The following PTPN12 variants were observed in gnomAD, a reference collection of about 807,000 sequenced individuals.
PTPN12 encodes protein tyrosine phosphatase non-receptor type 12.
PTPN12 carries 29 observed loss-of-function variants against 97.6 expected under a neutral mutation model. The ratio of observed to expected loss-of-function variants is 0.30; its 90% CI spans 0.22 to 0.41. The LOEUF (loss-of-function observed/expected upper bound fraction) is 0.41. PTPN12 is among the 10% of genes least tolerant of loss of function. PTPN12 has a pLI of 1.00. For synonymous variants in PTPN12, 327 were observed against 300.4 expected, an observed-to-expected ratio of 1.09 and a Z score of -0.91; for missense variants, 819 against 926.0, an observed-to-expected ratio of 0.88 and a Z score of 1.50.
intron 5 of PTPN12, among the ~76,000 whole-genome samples, chr7:77,589,689 A>C (rs1204298436): frequency 6.6e-6 from 1 of 152,186 alleles, no homozygotes; most frequent in Non-Finnish European, 1.5e-5. Context: ...AGTGAATAAA[A>C]TGAGAAAATA....
Position 77,625,468 on chromosome 7 carries a change from GCTCGCT to G in PTPN12, c.1026-1233_1026-1228del, listed in dbSNP as rs1454502547. On this transcript the variant is annotated intron_variant, in intron 12 of 17. Transcript: ENST00000248594. ...AGGGTTTTGCCATATTGCCCAGGCTGCTCGCTCTCTCTCTCTCTCTCTCTCTCTCTC... is the reference window on the plus strand; with the variant it reads ...AGGGTTTTGCCATATTGCCCAGGCTGCTCTCTCTCTCTCTCTCTCTCTCTC... Among the ~76,000 whole-genome samples, 52 of 24,758 alleles carry G rather than the reference GCTCGCT, an allele frequency of 2.1e-3. 5 individuals carry two copies. The highest frequency in any genetic ancestry group is 0.029 in the Middle Eastern group (1 of 34). 16.2% of individuals were successfully genotyped at this position (24,758 alleles called of 152,430 possible). A position where few individuals can be genotyped will look rare whatever the true frequency, so the allele number is the denominator to read the frequency against.
At position 77,537,462 on chromosome 7, in the gene PTPN12, C is replaced by G; in HGVS notation, c.-85C>G. On this transcript the variant is annotated 5_prime_UTR_variant, in exon 1 of 18. Transcript: ENST00000248594. ...GGGAGGGAGGGACGTGCTGGGGGAACGAGCTGGGGAAGACGGAGCGGGCTC... is the reference window on the plus strand; with the variant it reads ...GGGAGGGAGGGACGTGCTGGGGGAAGGAGCTGGGGAAGACGGAGCGGGCTC... 2 of 1,321,300 alleles carry G rather than the reference C, an allele frequency of 1.5e-6. No homozygotes were observed. The highest frequency in any genetic ancestry group is 2.0e-5 in the African/African-American group (1 of 49,222). The allele number at this position is 1,321,300 out of a possible 1,614,324, so 81.8% of individuals were successfully genotyped here.
rs779472460 is a variant in PTPN12 at position 77,611,022 on chromosome 7, A to T, written c.915A>T (p.Gly305=). 1 of 1,613,054 alleles carries T rather than the reference A, an allele frequency of 6.2e-7. No homozygotes were observed. Among genetic ancestry groups the T allele is most frequent in the Non-Finnish European group, 8.5e-7 (1 of 1,179,400 alleles). The change falls in exon 11 of 18, where the codon GGA becomes GGT. Residue 305 remains glycine (G), a synonymous_variant. Transcript: ENST00000248594. ...EKQLQLYEIH[G]AQKIADGVNE... ...AGCTACAACTATATGAAATTCATGG[A>T]GCTCAGAAAATTGCTGATGGAGTGG...
chr7:77,571,034 T>C (rs764571792), intron 1 of PTPN12, 44 bp from the exon 2 acceptor site: 3 of 1,318,048 alleles, frequency 2.3e-6, no homozygotes, highest in Non-Finnish European at 3.1e-6. Flanking sequence ...TTTGAAAATA[T>C]CACTGTTTCT....
At chr7:77,599,283 T>C (rs938858345) in intron 7 of PTPN12, among the ~76,000 whole-genome samples, 2 of 151,518 alleles carry the variant, frequency 1.3e-5, no homozygotes, top group Non-Finnish European at 2.9e-5. Flanking sequence ...TAGATATATA[T>C]TGTTTTTAGT....
chr7:77,597,169 G>A (rs1487362997), intron 6 of PTPN12, among the ~76,000 whole-genome samples: 2 of 152,144 alleles, frequency 1.3e-5, no homozygotes, highest in African/African-American at 4.8e-5. Context: ...TGTCGCCCAG[G>A]CTGGAGTGCG....
intron 5 of PTPN12, 140 bp from the exon 6 acceptor site, chr7:77,592,045 T>C: frequency 1.4e-6 from 1 of 696,070 alleles, no homozygotes; most frequent in Non-Finnish European, 2.4e-6. Context: ...ATCTAAGCTC[T>C]CTCAGCTCCA....
intron 1 of PTPN12, among the ~76,000 whole-genome samples, chr7:77,553,361 G>A (rs1807563316): frequency 6.6e-6 from 1 of 152,164 alleles, no homozygotes; most frequent in Non-Finnish European, 1.5e-5. Flanking sequence ...CTGCTTGCTT[G>A]ATCTGTCCAT....
In PTPN12 at chr7:77,596,790, C is replaced by A. The variant is rs140723029; in HGVS notation, c.493-1052C>A. On this transcript the variant is annotated intron_variant, in intron 6 of 17. Transcript: ENST00000248594. ...AGGTACAGAGATTTCTTATATACACCCTGTCCCCACACATGTAGCCCTCAT... is the reference window on the plus strand; with the variant it reads ...AGGTACAGAGATTTCTTATATACACACTGTCCCCACACATGTAGCCCTCAT... Among the ~76,000 whole-genome samples, 815 of 152,184 alleles carry A rather than the reference C, an allele frequency of 5.4e-3. 3 individuals are homozygous for A. Among genetic ancestry groups the A allele is most frequent in the Non-Finnish European group, 6.4e-3 (433 of 68,000 alleles).
At chr7:77,551,146 C>A (rs749230548) in intron 1 of PTPN12, among the ~76,000 whole-genome samples, 1 of 152,082 alleles carries the variant, frequency 6.6e-6, no homozygotes, top group Non-Finnish European at 1.5e-5. Context: ...CTGCAGTCTC[C>A]GCCTCCTGGG....
chr7:77,617,883 G>C (rs1168286426), intron 11 of PTPN12, among the ~76,000 whole-genome samples: 1 of 152,080 alleles, frequency 6.6e-6, no homozygotes, highest in Non-Finnish European at 1.5e-5. Context: ...GGATATTCTG[G>C]GGATGGGCTC....
rs531308496 is a variant in PTPN12 at position 77,610,491 on chromosome 7, C to T, written c.763-274C>T. Among the ~76,000 whole-genome samples, 11 of 152,290 alleles carry T rather than the reference C, an allele frequency of 7.2e-5. No homozygotes were observed. The South Asian group carries it at 2.3e-3, about 32-fold the overall frequency. Reference sequence around the variant, plus strand: ...TTGATATCCAACTATGTTGTAGCTGCACACACTCAACAGTTAGCCATAGCC... The same window carrying T: ...TTGATATCCAACTATGTTGTAGCTGTACACACTCAACAGTTAGCCATAGCC... On this transcript the variant is annotated intron_variant, in intron 9 of 17. Transcript: ENST00000248594.
chr7:77,600,483 C>T (rs1217177491), intron 7 of PTPN12, among the ~76,000 whole-genome samples, 181 bp from the exon 8 acceptor site: 1 of 151,984 alleles, frequency 6.6e-6, no homozygotes, highest in Middle Eastern at 3.2e-3. Flanking sequence ...ACATGTGAAG[C>T]CCTTAGGTAT....
At chr7:77,557,929 G>A (rs1006071868) in intron 1 of PTPN12, among the ~76,000 whole-genome samples, 1 of 152,022 alleles carries the variant, frequency 6.6e-6, no homozygotes, top group African/African-American at 2.4e-5. Context: ...TGAGAATAGC[G>A]GCCGGGCGTG....
intron 5 of PTPN12, among the ~76,000 whole-genome samples, chr7:77,588,013 G>A (rs1393231211): frequency 6.6e-6 from 1 of 152,156 alleles, no homozygotes. Flanking sequence ...TGTTGCAGCT[G>A]GTTTGATCTT....
intron 1 of PTPN12, among the ~76,000 whole-genome samples, chr7:77,542,818 G>C (rs565395024): frequency 2.6e-4 from 39 of 152,276 alleles, no homozygotes; most frequent in African/African-American, 9.1e-4. Flanking sequence ...CGGTGCCTCT[G>C]AGACATCCAG....
At chr7:77,594,309 G>A (rs1044576861) in intron 6 of PTPN12, among the ~76,000 whole-genome samples, 3 of 152,016 alleles carry the variant, frequency 2.0e-5, no homozygotes, top group Admixed American at 6.6e-5. Flanking sequence ...TTTTAAAAAC[G>A]TTAAAAATCC....
At chr7:77,609,049 A>G (rs1788469117) in intron 9 of PTPN12, among the ~76,000 whole-genome samples, 1 of 151,902 alleles carries the variant, frequency 6.6e-6, no homozygotes, top group East Asian at 1.9e-4. Flanking sequence ...GTGAAACCCC[A>G]TTTCTACTAA....
chr7:77,591,949 G>T (rs1323648989), intron 5 of PTPN12, among the ~76,000 whole-genome samples: 1 of 152,138 alleles, frequency 6.6e-6, no homozygotes, highest in African/African-American at 2.4e-5. Context: ...AGATAGCAAT[G>T]AACAGTTATG....
Sources: allele counts gnomAD v4.1 joint callset (sites outside exome capture counted in the v4.1 genomes callset), GRCh38; gene constraint gnomAD v4.1.1; transcripts MANE v1.5; gene names NCBI Gene and HGNC (gene_info 2026-07-23, HGNC 2026-07-21).